ACO1: variants seen among roughly 807,000 people sequenced by gnomAD.
ACO1 encodes cytoplasmic aconitate hydratase.
In ACO1, 78 loss-of-function variants were observed where a neutral mutation model predicts 105.1. The ratio of observed to expected loss-of-function variants is 0.74; its 90% CI spans 0.62 to 0.90. The LOEUF (loss-of-function observed/expected upper bound fraction) is 0.90. Among genes scored for constraint, ACO1 ranks in the 40% least tolerant of loss-of-function variants. The pLI, the probability that ACO1 is intolerant of heterozygous loss-of-function variation, is 0.00. For missense variants in ACO1, 965 were observed against 1,111.1 expected, an observed-to-expected ratio of 0.87 and a Z score of 1.87; for synonymous variants, 364 against 397.4, an observed-to-expected ratio of 0.92 and a Z score of 1.00.
chr9:32,415,380 T>A (rs1821826024), intron 4 of ACO1, among the ~76,000 whole-genome samples: 1 of 152,162 alleles, frequency 6.6e-6, no homozygotes, highest in South Asian at 2.1e-4. Context: ...ATAAATATCT[T>A]GATAGCTATA....
At chr9:32,385,316 A>G (rs1821135460) in intron 1 of ACO1, among the ~76,000 whole-genome samples, 1 of 152,202 alleles carries the variant, frequency 6.6e-6, no homozygotes, top group Admixed American at 6.5e-5. Flanking sequence ...GCACATCATA[A>G]TGGCATCTTC....
intron 1 of ACO1, among the ~76,000 whole-genome samples, chr9:32,401,200 C>T (rs1821488543): frequency 6.6e-6 from 1 of 152,104 alleles, no homozygotes; most frequent in South Asian, 2.1e-4. Context: ...GTTTAGCTGT[C>T]AGTTCTCTGG....
intron 19 of ACO1, among the ~76,000 whole-genome samples, chr9:32,447,876 G>A (rs1822655396): frequency 6.6e-6 from 1 of 152,164 alleles, no homozygotes; most frequent in Non-Finnish European, 1.5e-5. Flanking sequence ...GACCCTGTTT[G>A]CCTGGGTATC....
At position 32,431,911 on chromosome 9, in the gene ACO1, C is replaced by G. The variant is rs2070360643; in HGVS notation, c.1851+68C>G. 3 of 1,573,164 alleles carry G rather than the reference C, an allele frequency of 1.9e-6. No homozygotes were observed. In the Admixed American group the frequency reaches 5.4e-5, roughly 28 times the overall value. ...GAAAGCTGCTCCCTTTGTGTCCTGTCTGCAGACCTCAAGGCTAACGGAAGT... is the reference window on the plus strand; with the variant it reads ...GAAAGCTGCTCCCTTTGTGTCCTGTGTGCAGACCTCAAGGCTAACGGAAGT... On this transcript the variant is annotated intron_variant, in intron 15 of 20. Transcript: ENST00000309951.
At position 32,434,590 on chromosome 9, in the gene ACO1, T is replaced by C. The variant is rs1477381155; in HGVS notation, c.1988T>C (p.Val663Ala). 2 of 1,614,102 alleles carry C rather than the reference T, an allele frequency of 1.2e-6. No individual in the cohort carries two copies. The highest frequency in any genetic ancestry group is 1.7e-5 in the Admixed American group (1 of 60,020). Residue 663 changes from valine (V) to alanine (A), a missense_variant, in exon 17 of 21, where the codon GTG (valine) becomes GCG (alanine). By Grantham distance (64) the Val-to-Ala change is moderately conservative. Coordinates refer to ENST00000309951, the MANE Select transcript of ACO1 (RefSeq NM_002197.3). ...TLDLQPPKSI[V>A]DAYVLLNLGD... ...GATCTTCAGCCCCCTAAATCTATAG[T>C]GGATGCCTATGTGCTGCTAAATTTG...
chr9:32,419,814 T>A (rs903686945), intron 7 of ACO1, among the ~76,000 whole-genome samples: 1 of 152,262 alleles, frequency 6.6e-6, no homozygotes, highest in Non-Finnish European at 1.5e-5. Flanking sequence ...CATCTTTTTC[T>A]GTGATTTGCT....
At chr9:32,414,567 C>T (rs1821809297) in intron 4 of ACO1, among the ~76,000 whole-genome samples, 1 of 152,180 alleles carries the variant, frequency 6.6e-6, no homozygotes, top group Non-Finnish European at 1.5e-5. Flanking sequence ...ATGAACATGT[C>T]ACTTCCATCA....
At chr9:32,389,334 G>A (rs977754633) in intron 1 of ACO1, among the ~76,000 whole-genome samples, 1 of 152,098 alleles carries the variant, frequency 6.6e-6, no homozygotes, top group Non-Finnish European at 1.5e-5. Context: ...TTAGCTTATC[G>A]GGGTTTTCAA....
intron 1 of ACO1, among the ~76,000 whole-genome samples, chr9:32,404,467 T>A (rs536540417): frequency 6.6e-6 from 1 of 152,304 alleles, no homozygotes; most frequent in Non-Finnish European, 1.5e-5. Flanking sequence ...AAAAAATTAG[T>A]TGCCAACTTT....
intron 4 of ACO1, 45 bp from the exon 5 acceptor site, chr9:32,418,083 A>G: frequency 6.4e-7 from 1 of 1,570,332 alleles, no homozygotes; most frequent in Non-Finnish European, 8.7e-7. Context: ...GACCACTAAT[A>G]TGTTAAGTCT....
At position 32,391,711 on chromosome 9, in the gene ACO1, A is replaced by G. The variant is rs561531894; in HGVS notation, c.-23+6976A>G. 3.3e-5 allele frequency among the ~76,000 whole-genome samples: 5 copies of G among 152,358 alleles called. No homozygotes were observed. In the East Asian group the frequency reaches 9.6e-4, roughly 29 times the overall value. On this transcript the variant is annotated intron_variant, in intron 1 of 20. Transcript: ENST00000309951. ...TCTATAACTGCTATTGTGGAATTAC[A>G]TGGCAAGTTGCAAGTTGTGGCATAG... is the stretch of plus-strand genomic sequence containing the variant.
intron 6 of ACO1, 64 bp downstream of exon 6, chr9:32,418,575 A>G: frequency 2.0e-6 from 3 of 1,502,144 alleles, no homozygotes; most frequent in East Asian, 2.3e-5. Context: ...ATTCTATTAC[A>G]TCTCAGTAAC....
At chr9:32,430,354 G>A in intron 13 of ACO1, 64 bp from the exon 14 acceptor site, 1 of 1,506,362 alleles carries the variant, frequency 6.6e-7, no homozygotes, top group Non-Finnish European at 9.0e-7. Flanking sequence ...TCTTGCCAAT[G>A]GTCTGAGACA....
At position 32,453,737 on chromosome 9, in the gene ACO1, A is replaced by T. The variant is rs1028818852; in HGVS notation, c.*3626A>T. ...TAATGTACGGGGTTATGTAGGAGCA[A>T]TGCAGAGCCACTTTTGAAAAACAGT... On this transcript the variant is annotated 3_prime_UTR_variant, in exon 21 of 21. Transcript: ENST00000309951. The T allele has an allele frequency of 6.6e-6, 1 of 152,226 alleles. No homozygotes were observed. Among genetic ancestry groups the T allele is most frequent in the Non-Finnish European group, 1.5e-5 (1 of 68,036 alleles). 9.4% of individuals were successfully genotyped at this position (152,226 alleles called of 1,614,324 possible). A position where few individuals can be genotyped will look rare whatever the true frequency, so the allele number is the denominator to read the frequency against.
chr9:32,432,969 G>T (rs1269983719), intron 15 of ACO1, among the ~76,000 whole-genome samples: 1 of 152,092 alleles, frequency 6.6e-6, no homozygotes, highest in Non-Finnish European at 1.5e-5. Flanking sequence ...TTGCACTGAG[G>T]TCCTCCGTTT....
At chr9:32,431,889 A>AGCT in intron 15 of ACO1, 46 bp downstream of exon 15, 1 of 1,608,578 alleles carries the variant, frequency 6.2e-7, no homozygotes, top group Non-Finnish European at 8.5e-7. Flanking sequence ...TCTAAGGGAA[A>AGCT]GCTGCTCCCT....
chr9:32,410,165 T>A (rs1333952570), intron 4 of ACO1, among the ~76,000 whole-genome samples: 1 of 152,162 alleles, frequency 6.6e-6, no homozygotes, highest in Non-Finnish European at 1.5e-5. Context: ...ATATTAAACA[T>A]TGTTATAAAG....
intron 4 of ACO1, among the ~76,000 whole-genome samples, chr9:32,416,042 T>C (rs566016740): frequency 1.3e-5 from 2 of 152,036 alleles, no homozygotes; most frequent in South Asian, 2.1e-4. Flanking sequence ...ACACTTGTCT[T>C]GGAGAATATT....
rs116754447 is a variant in ACO1, at chr9:32,436,956, C to T, written c.2247+559C>T. 6.3e-3 allele frequency among the ~76,000 whole-genome samples: 963 copies of T among 152,226 alleles called. 15 individuals are homozygous for T. Among genetic ancestry groups the T allele is most frequent in the African/African-American group, 0.022 (902 of 41,518 alleles). On this transcript the variant is annotated intron_variant, in intron 18 of 20. Coordinates refer to ENST00000309951, the MANE Select transcript of ACO1 (RefSeq NM_002197.3). ...AAAAATACTACTTACCTTGGAAGAACGCTCTGAGGCTTAAAATGAAATGGA... is the reference window on the plus strand; with the variant it reads ...AAAAATACTACTTACCTTGGAAGAATGCTCTGAGGCTTAAAATGAAATGGA...
Sources: allele counts gnomAD v4.1 joint callset (sites outside exome capture counted in the v4.1 genomes callset), GRCh38; gene constraint gnomAD v4.1.1; transcripts MANE v1.5; gene names NCBI Gene and HGNC (gene_info 2026-07-23, HGNC 2026-07-21).